The following STK4 variants were observed in gnomAD, a reference collection of about 807,000 sequenced individuals.
The protein encoded by STK4 is serine/threonine kinase 4.
A neutral mutation model predicts 64.9 loss-of-function variants in STK4; 30 were observed. The observed-to-expected ratio is 0.46, with a 90% CI of 0.35 to 0.63. The LOEUF (loss-of-function observed/expected upper bound fraction) is 0.63, where lower values mean the gene tolerates loss of function less well. STK4 is among the 20% of genes least tolerant of loss of function. The pLI is 0.01. For missense variants in STK4, 466 were observed against 598.5 expected (o/e 0.78, Z 2.31); for synonymous variants, 177 against 199.0 (o/e 0.89, Z 0.93).
chr20:44,972,251 C>G, intron 2 of STK4, 93 bp downstream of exon 2: 1 of 1,129,424 alleles, frequency 8.9e-7, no homozygotes, highest in Non-Finnish European at 1.3e-6. Flanking sequence ...CAGCATTGTT[C>G]TAGGTGGGGT....
intron 8 of STK4, 74 bp from the exon 9 acceptor site, chr20:45,001,089 AAGAC>A: frequency 7.0e-7 from 1 of 1,435,222 alleles, no homozygotes; most frequent in Non-Finnish European, 9.5e-7. Flanking sequence ...TATTTTCACT[AAGAC>A]AGGTAGTAGT....
At chr20:44,995,288 G>C (rs550172421) in intron 6 of STK4, 31 bp downstream of exon 6, 2 of 1,585,894 alleles carry the variant, frequency 1.3e-6, no homozygotes, top group East Asian at 2.3e-5. Flanking sequence ...CCAGTGGGGT[G>C]GTTAGTTACT....
intron 9 of STK4, 134 bp from the exon 10 acceptor site, chr20:45,024,839 T>G (rs2068314824): frequency 2.2e-6 from 2 of 918,012 alleles, no homozygotes; most frequent in African/African-American, 3.4e-5. Flanking sequence ...CACTAGATTC[T>G]TGAAGGAGTC....
chr20:45,048,002 A>G (rs893300727), intron 10 of STK4, among the ~76,000 whole-genome samples: 1 of 152,210 alleles, frequency 6.6e-6, no homozygotes, highest in Admixed American at 6.5e-5. Flanking sequence ...CGTCTCTCTC[A>G]TAGGGATCAT....
At chr20:44,990,453 GA>G (rs1208097007) in intron 5 of STK4, among the ~76,000 whole-genome samples, 2 of 151,352 alleles carry the variant, frequency 1.3e-5, no homozygotes, top group African/African-American at 4.9e-5. Context: ...AAAAAAATGA[GA>G]TTTTTTTTCC....
chr20:45,054,846 A>G (rs1446905260), intron 10 of STK4, among the ~76,000 whole-genome samples: 2 of 152,156 alleles, frequency 1.3e-5, no homozygotes, highest in Non-Finnish European at 2.9e-5. Flanking sequence ...TATTATTGCT[A>G]TTGTTACTAT....
intron 9 of STK4, among the ~76,000 whole-genome samples, chr20:45,003,501 T>C (rs1166797239): frequency 6.6e-6 from 1 of 152,208 alleles, no homozygotes; most frequent in East Asian, 1.9e-4. Context: ...AATTCATGAC[T>C]TGCAGAACTG....
At chr20:45,024,556 C>T (rs2068310323) in intron 9 of STK4, among the ~76,000 whole-genome samples, 1 of 152,120 alleles carries the variant, frequency 6.6e-6, no homozygotes, top group African/African-American at 2.4e-5. Context: ...ATCCCCTCTT[C>T]CTACTTAAAT....
chr20:45,068,815 T>A (rs1260377730), intron 10 of STK4, among the ~76,000 whole-genome samples: 2 of 152,212 alleles, frequency 1.3e-5, no homozygotes. Context: ...AAATGTTGAG[T>A]TCAGCATTTA....
At chr20:45,006,250 G>GTTGT (rs2067942139) in intron 9 of STK4, among the ~76,000 whole-genome samples, 1 of 134,598 alleles carries the variant, frequency 7.4e-6, no homozygotes, top group Admixed American at 7.4e-5. Flanking sequence ...TTTTGTTTCG[G>GTTGT]ATGTATTTAT....
chr20:45,010,034 G>T (rs1030603061), intron 9 of STK4, among the ~76,000 whole-genome samples: 1 of 151,976 alleles, frequency 6.6e-6, no homozygotes, highest in African/African-American at 2.4e-5. Flanking sequence ...TCTTTTGCCT[G>T]GTTGTTCTGG....
At chr20:44,967,694 T>TG (rs11483164) in intron 1 of STK4, among the ~76,000 whole-genome samples, 41,507 of 151,982 alleles carry the variant, frequency 0.27, 6,239 homozygotes, top group Middle Eastern at 0.43. Flanking sequence ...AACCAAGAGG[T>TG]GAAGAGAAGG....
intron 10 of STK4, among the ~76,000 whole-genome samples, chr20:45,068,088 A>G (rs1379140142): frequency 6.6e-6 from 1 of 152,192 alleles, no homozygotes; most frequent in Non-Finnish European, 1.5e-5. Flanking sequence ...TACCTTACCA[A>G]TACCTCCAAA....
chr20:44,994,364 C>A (rs931692034), intron 5 of STK4, among the ~76,000 whole-genome samples: 1 of 150,914 alleles, frequency 6.6e-6, no homozygotes, highest in Non-Finnish European at 1.5e-5. Context: ...TTGTTATGAT[C>A]ATCATTATTA....
At chr20:45,052,613 T>A (rs1978293005) in intron 10 of STK4, among the ~76,000 whole-genome samples, 1 of 152,186 alleles carries the variant, frequency 6.6e-6, no homozygotes, top group Non-Finnish European at 1.5e-5. Flanking sequence ...ACAGGAGGTT[T>A]GGGGATTGAG....
chr20:44,999,078 AAC>A (rs1491052167), intron 7 of STK4, among the ~76,000 whole-genome samples: 2 of 152,008 alleles, frequency 1.3e-5, no homozygotes, highest in African/African-American at 4.8e-5. Flanking sequence ...AAAAAAAAAA[AAC>A]AAAGAAAAGG....
At chr20:45,026,513 G>C (rs1463337570) in intron 10 of STK4, among the ~76,000 whole-genome samples, 1 of 152,038 alleles carries the variant, frequency 6.6e-6, no homozygotes, top group Non-Finnish European at 1.5e-5. Context: ...GAACAACGAA[G>C]AAACAGTCTG....
rs995258270 is a variant in STK4 at position 45,075,529 on chromosome 20, A to T, written c.*353A>T. The T allele has an allele frequency of 6.3e-6, 1 of 159,996 alleles. No homozygotes were observed. The highest frequency in any genetic ancestry group is 2.5e-5 in the African/African-American group (1 of 40,634). 9.9% of individuals were successfully genotyped at this position (159,996 alleles called of 1,614,324 possible). A position where few individuals can be genotyped will look rare whatever the true frequency, so the allele number is the denominator to read the frequency against. Reference sequence around the variant, plus strand: ...CAATTGTTCTTTCTGGAAGACTTTTAAAAAAATATAAATATGCATATATAT... The same window carrying T: ...CAATTGTTCTTTCTGGAAGACTTTTTAAAAAATATAAATATGCATATATAT... On this transcript the variant is annotated 3_prime_UTR_variant, in exon 11 of 11. Coordinates refer to ENST00000372806, the MANE Select transcript of STK4 (RefSeq NM_006282.5).
chr20:45,062,585 ATC>A (rs1388575719), intron 10 of STK4, among the ~76,000 whole-genome samples: 1 of 152,198 alleles, frequency 6.6e-6, no homozygotes, highest in Non-Finnish European at 1.5e-5. Context: ...CCTCGCCAGC[ATC>A]TGTTATTTTT....
Sources: allele counts gnomAD v4.1 joint callset (sites outside exome capture counted in the v4.1 genomes callset), GRCh38; gene constraint gnomAD v4.1.1; transcripts MANE v1.5; gene names NCBI Gene and HGNC (gene_info 2026-07-23, HGNC 2026-07-21).